The following TRMT2B variants were observed in gnomAD, a reference collection of about 807,000 sequenced individuals.
TRMT2B encodes the protein tRNA (uracil-5-)-methyltransferase homolog B.
A neutral mutation model predicts 39.7 loss-of-function variants in TRMT2B; 34 were observed. The observed-to-expected ratio is 0.86, with a 90% confidence interval of 0.65 to 1.14. TRMT2B has a LOEUF of 1.14. TRMT2B is among the 50% of genes most tolerant of loss of function. TRMT2B has a pLI of 0.00. For synonymous variants in TRMT2B, 132 were observed against 137.3 expected (o/e 0.96, Z 0.27); for missense variants, 318 against 377.2 (o/e 0.84, Z 1.30).
At chrX:100,991,784 A>T in the TRMT2B span, among the ~76,000 whole-genome samples, 1 of 111,449 alleles carries the variant, frequency 9.0e-6, no homozygotes, top group Non-Finnish European at 1.9e-5. Context: ...AGAAAAGTCA[A>T]ATTTGCCCAA....
the TRMT2B span, among the ~76,000 whole-genome samples, chrX:100,981,816 G>T: frequency 9.5e-6 from 1 of 105,145 alleles, no homozygotes. Flanking sequence ...CTCAAAAAAA[G>T]AAAAAAATAC....
At chrX:101,000,044 T>TG in the TRMT2B span, among the ~76,000 whole-genome samples, 1 of 110,966 alleles carries the variant, frequency 9.0e-6, no homozygotes, top group East Asian at 2.8e-4. Flanking sequence ...AGAAGAGGAG[T>TG]GGGAATCAGG....
At chrX:100,987,363 G>C in the TRMT2B span, 32 of 1,202,412 alleles carry the variant, frequency 2.7e-5, no homozygotes, top group Non-Finnish European at 3.4e-5. Flanking sequence ...CTCCAGGTCT[G>C]CAGCCTTCTC....
At chrX:100,987,631 C>A in the TRMT2B span, 1 of 1,101,943 alleles carries the variant, frequency 9.1e-7, no homozygotes, top group South Asian at 2.1e-5. Flanking sequence ...GCAAGGAGTT[C>A]TGGGAGGTGC....
At chrX:100,974,035 G>GT in the TRMT2B span, 2 of 744,819 alleles carry the variant, frequency 2.7e-6, no homozygotes, top group Non-Finnish European at 4.0e-6. Context: ...TGCAGGCAGA[G>GT]TCCCAAACAA....
At chrX:101,010,792 C>T in intron 13 of TRMT2B, 85 bp from the exon 14 acceptor site, 1 of 984,389 alleles carries the variant, frequency 1.0e-6, no homozygotes, top group Admixed American at 2.9e-5. Flanking sequence ...GAGGCCCTTC[C>T]ACTGTGTTCC....
chrX:101,033,266 A>AC (rs2087617361), intron 7 of TRMT2B, among the ~76,000 whole-genome samples: 1 of 108,461 alleles, frequency 9.2e-6, no homozygotes, highest in Admixed American at 1.0e-4. Flanking sequence ...CAAAAAAAAA[A>AC]AAAAGAAAGA....
chrX:101,010,622 G>A lies in TRMT2B; in HGVS notation c.1474C>T (p.His492Tyr). 1 of 1,211,455 alleles carries A rather than the reference G, an allele frequency of 8.3e-7. No homozygotes were observed. Among genetic ancestry groups the A allele is most frequent in the Non-Finnish European group, 1.1e-6 (1 of 895,287 alleles). Residue 492 changes from histidine to tyrosine, a missense_variant, in exon 14 of 14, where the codon CAC becomes TAC. Transcript: ENST00000372936. ...AGCACCAGCTCACAATGTGGGGTGT[G>A]AGGGAACAAATCCACAGGTACAGCT... ...QQAVPVDLFP[H>Y]TPHCELVLLF...
chrX:101,019,632 C>A (rs750162696), intron 11 of TRMT2B, among the ~76,000 whole-genome samples: 2 of 107,410 alleles, frequency 1.9e-5, no homozygotes, highest in Admixed American at 2.0e-4. Flanking sequence ...CTAGTGTTTA[C>A]ACCTTTTTTT....
At chrX:100,986,009 C>A in the TRMT2B span, 1 of 1,031,884 alleles carries the variant, frequency 9.7e-7, no homozygotes, top group East Asian at 3.1e-5. Context: ...TTGTCACACC[C>A]AGCTAGGCCT....
At chrX:100,985,056 G>A in the TRMT2B span, among the ~76,000 whole-genome samples, 31 of 112,215 alleles carry the variant, frequency 2.8e-4, 1 homozygote, top group Admixed American at 9.5e-5. Context: ...GATGGCTGGT[G>A]TGTGGGAAAA....
Position 101,035,657 on chromosome X carries a change from T to TAG in TRMT2B, c.563_564dup (p.Asn189LeufsTer4). The TAG allele has an allele frequency of 8.3e-7, 1 of 1,209,888 alleles. No individual in the cohort carries two copies. Among genetic ancestry groups the TAG allele is most frequent in the Non-Finnish European group, 1.1e-6 (1 of 893,667 alleles). The stretch of plus-strand genomic sequence containing the variant: ...TTCTCAGGGATGTTTTTCAGATGAT[T>TAG]AGACTGCACACAGACAACGTTCCCA... On this transcript the variant is annotated frameshift_variant, in exon 7 of 14. Transcript: ENST00000372936. LOFTEE classifies it high-confidence loss of function.
At chrX:100,999,151 A>G in the TRMT2B span, among the ~76,000 whole-genome samples, 1 of 112,496 alleles carries the variant, frequency 8.9e-6, no homozygotes, top group Non-Finnish European at 1.9e-5. Flanking sequence ...GGATATTTAC[A>G]TGTTCCTCCA....
the TRMT2B span, among the ~76,000 whole-genome samples, chrX:100,996,300 G>A: frequency 8.9e-6 from 1 of 111,753 alleles, no homozygotes; most frequent in Admixed American, 9.5e-5. Context: ...AAGAGATGTC[G>A]GTTAATGAAT....
At chrX:101,030,540 T>A (rs1404701850) in intron 7 of TRMT2B, among the ~76,000 whole-genome samples, 1 of 102,964 alleles carries the variant, frequency 9.7e-6, no homozygotes, top group Non-Finnish European at 2.0e-5. Context: ...AACCTCCGCC[T>A]CCCGGGTTCA....
chrX:100,978,463 C>T, the TRMT2B span, among the ~76,000 whole-genome samples: 1 of 111,377 alleles, frequency 9.0e-6, no homozygotes, highest in Non-Finnish European at 1.9e-5. Flanking sequence ...TGACATTCTT[C>T]GTCTCTTTTT....
chrX:100,986,649 T>C, the TRMT2B span: 1 of 411,085 alleles, frequency 2.4e-6, no homozygotes, highest in East Asian at 4.1e-5. Flanking sequence ...CTCATCTCAT[T>C]AGGTATGTCT....
At chrX:100,983,755 C>G in the TRMT2B span, among the ~76,000 whole-genome samples, 1 of 111,633 alleles carries the variant, frequency 9.0e-6, no homozygotes, top group East Asian at 2.8e-4. Context: ...TTTAACAGTT[C>G]ATTGCCTAAC....
intron 13 of TRMT2B, among the ~76,000 whole-genome samples, chrX:101,016,642 GT>G (rs397827366): frequency 5.4e-4 from 31 of 57,603 alleles, no homozygotes; most frequent in Admixed American, 1.3e-3. Flanking sequence ...AATTTTCGTG[GT>G]TTTTTTTTTT....
Sources: gnomAD v4.1 joint callset for allele counts (sites outside exome capture counted in the v4.1 genomes callset) on GRCh38, gnomAD v4.1.1 for gene constraint, MANE v1.5 for transcripts, NCBI Gene and HGNC (gene_info 2026-07-23, HGNC 2026-07-21) for gene names.